FRMD6: variants seen among roughly 807,000 people sequenced by gnomAD.
FRMD6 encodes the protein FERM domain containing 6.
A neutral mutation model predicts 73.2 loss-of-function variants in FRMD6; 37 were observed. The observed-to-expected ratio is 0.51, with a 90% CI of 0.39 to 0.66. The LOEUF (loss-of-function observed/expected upper bound fraction) is 0.66. Among genes scored for constraint, FRMD6 ranks in the 30% least tolerant of loss-of-function variants. FRMD6 has a pLI of 0.00. For synonymous variants in FRMD6, 273 were observed against 282.2 expected, an observed-to-expected ratio of 0.97 and a Z score of 0.33; for missense variants, 714 against 780.5, an observed-to-expected ratio of 0.91 and a Z score of 1.02.
chr14:51,621,117 G>A (rs1390521922), intron 2 of FRMD6, among the ~76,000 whole-genome samples: 1 of 151,902 alleles, frequency 6.6e-6, no homozygotes, highest in African/African-American at 2.4e-5. Context: ...GCCCAAATCA[G>A]CACTCAGAGG....
At chr14:51,422,395 A>G in the FRMD6 span, among the ~76,000 whole-genome samples, 1 of 152,024 alleles carries the variant, frequency 6.6e-6, no homozygotes, top group Non-Finnish European at 1.5e-5. Flanking sequence ...ATTAGGAAAA[A>G]AATTAAACTA....
intron 1 of FRMD6, among the ~76,000 whole-genome samples, chr14:51,669,851 A>T (rs913364718): frequency 6.6e-6 from 1 of 152,126 alleles, no homozygotes; most frequent in Non-Finnish European, 1.5e-5. Flanking sequence ...ATTAAAAAGC[A>T]AAATTTTTGT....
intron 1 of FRMD6, among the ~76,000 whole-genome samples, chr14:51,507,246 T>C (rs1884022743): frequency 6.6e-6 from 1 of 152,172 alleles, no homozygotes; most frequent in Non-Finnish European, 1.5e-5. Flanking sequence ...CAGGGCATCC[T>C]GGCTGGTGTG....
intron 2 of FRMD6, among the ~76,000 whole-genome samples, chr14:51,596,098 A>C (rs1298626191): frequency 6.6e-6 from 1 of 152,230 alleles, no homozygotes; most frequent in African/African-American, 2.4e-5. Context: ...CTTTTTGATT[A>C]AAAAGCAGCA....
At chr14:51,513,321 C>G (rs566401250) in intron 1 of FRMD6, among the ~76,000 whole-genome samples, 1 of 152,348 alleles carries the variant, frequency 6.6e-6, no homozygotes, top group Non-Finnish European at 1.5e-5. Context: ...GAAGAGCCAT[C>G]CCTGCAGCTG....
chr14:51,681,915 G>A (rs1331157486), intron 1 of FRMD6, among the ~76,000 whole-genome samples: 1 of 152,058 alleles, frequency 6.6e-6, no homozygotes, highest in Non-Finnish European at 1.5e-5. Flanking sequence ...TGCAGTAAAA[G>A]CATTTTTTTA....
At chr14:51,604,000 G>T (rs145452988) in intron 2 of FRMD6, among the ~76,000 whole-genome samples, 2 of 151,854 alleles carry the variant, frequency 1.3e-5, no homozygotes, top group African/African-American at 2.4e-5. Context: ...GCAGAGGAAG[G>T]TGAGGGAGTG....
At chr14:51,721,296 G>A (rs1217034308) in intron 11 of FRMD6, among the ~76,000 whole-genome samples, 1 of 152,134 alleles carries the variant, frequency 6.6e-6, no homozygotes, top group African/African-American at 2.4e-5. Flanking sequence ...AACACATATA[G>A]GTAATGCAGC....
intron 3 of FRMD6, among the ~76,000 whole-genome samples, chr14:51,700,241 G>A (rs1896218549): frequency 1.3e-5 from 2 of 151,996 alleles, no homozygotes; most frequent in African/African-American, 4.8e-5. Context: ...GTATAGGAAT[G>A]CCAAAGACTT....
At chr14:51,547,352 G>C in intron 1 of FRMD6, among the ~76,000 whole-genome samples, 1 of 152,174 alleles carries the variant, frequency 6.6e-6, no homozygotes, top group East Asian at 1.9e-4. Context: ...TGATGCTTCT[G>C]TTTCTCTTGG....
chr14:51,597,962 G>A lies in FRMD6; in HGVS notation c.-147+27552G>A, dbSNP rs544775499. Among the ~76,000 whole-genome samples, 9 of 152,236 alleles carry A rather than the reference G, an allele frequency of 5.9e-5. No individual in the cohort carries two copies. In the South Asian group the frequency reaches 1.5e-3, roughly 25 times the overall value. On this transcript the variant is annotated intron_variant, in intron 2 of 14. Coordinates refer to the FRMD6 transcript ENST00000356218. ...AGGATGATTCAAAACAGATGCAGACGGCTGCCCCCCAACCATCCATTTTTG... is the reference window on the plus strand; with the variant it reads ...AGGATGATTCAAAACAGATGCAGACAGCTGCCCCCCAACCATCCATTTTTG...
At chr14:51,647,006 T>A (rs946540899), upstream of FRMD6, among the ~76,000 whole-genome samples, 3 of 151,958 alleles carry the variant, frequency 2.0e-5, no homozygotes, top group Admixed American at 2.0e-4. Context: ...AGTATTCTAG[T>A]ATTCAAGCCC....
intron 1 of FRMD6, among the ~76,000 whole-genome samples, chr14:51,682,382 A>G (rs1258302275): frequency 6.6e-6 from 1 of 151,990 alleles, no homozygotes; most frequent in African/African-American, 2.4e-5. Flanking sequence ...TTTTTAAGTA[A>G]AGTAAATATC....
the FRMD6 span, among the ~76,000 whole-genome samples, chr14:51,455,653 G>A: frequency 6.6e-6 from 1 of 152,154 alleles, no homozygotes. Flanking sequence ...CTGGGCTAGG[G>A]TCCAAGAGCA....
intron 1 of FRMD6, among the ~76,000 whole-genome samples, chr14:51,664,488 G>A (rs988791858): frequency 6.6e-6 from 1 of 152,176 alleles, no homozygotes; most frequent in African/African-American, 2.4e-5. Context: ...TAACACATAG[G>A]CCTTTAATGC....
intron 2 of FRMD6, among the ~76,000 whole-genome samples, chr14:51,617,469 G>T (rs1433615246): frequency 6.6e-6 from 1 of 152,152 alleles, no homozygotes; most frequent in East Asian, 1.9e-4. Context: ...CAGTATGTTA[G>T]AATTGCTTGT....
chr14:51,642,571 G>A (rs572071348), intron 2 of FRMD6, among the ~76,000 whole-genome samples: 2 of 152,218 alleles, frequency 1.3e-5, no homozygotes, highest in South Asian at 2.1e-4. Flanking sequence ...TACAAAGGAG[G>A]CTAGAGACTA....
chr14:51,509,630 T>C (rs896775208), intron 1 of FRMD6, among the ~76,000 whole-genome samples: 3 of 152,226 alleles, frequency 2.0e-5, no homozygotes, highest in East Asian at 1.9e-4. Context: ...TATACTTTAT[T>C]TATGTATTTA....
intron 1 of FRMD6, among the ~76,000 whole-genome samples, chr14:51,556,963 T>G (rs143878254): frequency 6.6e-6 from 1 of 152,278 alleles, no homozygotes; most frequent in African/African-American, 2.4e-5. Flanking sequence ...TATTTTTTCC[T>G]GACACTTATC....
Sources: allele counts gnomAD v4.1 joint callset (sites outside exome capture counted in the v4.1 genomes callset), GRCh38; gene constraint gnomAD v4.1.1; transcripts MANE v1.5; gene names NCBI Gene and HGNC (gene_info 2026-07-23, HGNC 2026-07-21).